The following SMCHD1 variants were observed in gnomAD, a reference collection of about 807,000 sequenced individuals.
SMCHD1 encodes the protein structural maintenance of chromosomes flexible hinge domain-containing protein 1.
A neutral mutation model predicts 254.7 loss-of-function variants in SMCHD1; 78 were observed. The ratio of observed to expected loss-of-function variants is 0.31; its 90% confidence interval spans 0.26 to 0.37. The LOEUF (loss-of-function observed/expected upper bound fraction) is 0.37. Ranked by LOEUF, SMCHD1 falls within the 10% of genes least tolerant of loss-of-function variation. The pLI is 1.00. For missense variants in SMCHD1, 1,840 were observed against 2,408.1 expected, an observed-to-expected ratio of 0.76 and a Z score of 4.94; for synonymous variants, 766 against 794.9, an observed-to-expected ratio of 0.96 and a Z score of 0.61.
chr18:2,731,564 C>T (rs1027313858), intron 24 of SMCHD1, among the ~76,000 whole-genome samples: 2 of 152,038 alleles, frequency 1.3e-5, no homozygotes, highest in African/African-American at 4.8e-5. Flanking sequence ...TAATCTGTTA[C>T]CATTAAATAA....
intron 19 of SMCHD1, among the ~76,000 whole-genome samples, chr18:2,721,137 T>C (rs946564858): frequency 9.9e-5 from 15 of 152,232 alleles, no homozygotes; most frequent in African/African-American, 2.4e-4. Context: ...CTGAGACTTA[T>C]GGGCGTCTGA....
Position 2,796,661 on chromosome 18 carries a change from A to G in SMCHD1, c.5993+140A>G, listed in dbSNP as rs1240354592. On this transcript the variant is annotated intron_variant, in intron 47 of 47. Transcript: ENST00000320876. ...AGTGGCACAATCTTGGCTCAGTGCA[A>G]CCTCTGCCTTCCAGGCCCACGGGAT... 5 of 616,448 alleles carry G rather than the reference A, an allele frequency of 8.1e-6. No individual in the cohort carries two copies. The Admixed American group carries it at 1.3e-4, about 16-fold the overall frequency. The allele number at this position is 616,448 out of a possible 1,614,324, so 38.2% of individuals were successfully genotyped here.
At chr18:2,742,438 A>C (rs910211160) in intron 28 of SMCHD1, among the ~76,000 whole-genome samples, 11 of 152,202 alleles carry the variant, frequency 7.2e-5, no homozygotes, top group African/African-American at 2.7e-4. Flanking sequence ...CTTTTGGTTC[A>C]GAAGAGCTAT....
chr18:2,698,612 C>T (rs1466997516), intron 10 of SMCHD1, among the ~76,000 whole-genome samples: 1 of 152,172 alleles, frequency 6.6e-6, no homozygotes, highest in Non-Finnish European at 1.5e-5. Flanking sequence ...AAACAATCCT[C>T]CTGCCTTGGC....
rs769920999 is a variant in SMCHD1 at position 2,729,407 on chromosome 18, C to T, written c.3046C>T (p.Pro1016Ser). ...GACGCTTAAAGCAAGAATTGAAATA[C>T]CTGTAAGTTATTATTGTTACTCATT... ...DQTLKARIEI[P>S]SCKDVAPVEK... The change falls in exon 24 of 48, where the codon CCT becomes TCT. Residue 1016 changes from proline (P) to serine (S), a missense_variant and splice_region_variant. Pro to Ser is a moderately conservative substitution (Grantham distance 74). Transcript: ENST00000320876. 3 of 1,512,582 alleles carry T rather than the reference C, an allele frequency of 2.0e-6. No homozygotes were observed. The highest frequency in any genetic ancestry group is 2.7e-6 in the Non-Finnish European group (3 of 1,131,340). 93.7% of individuals were successfully genotyped at this position (1,512,582 alleles called of 1,614,324 possible).
At chr18:2,719,271 T>TCTCTCCCCTCTCCC (rs1040681391) in intron 19 of SMCHD1, among the ~76,000 whole-genome samples, 1 of 150,304 alleles carries the variant, frequency 6.7e-6, no homozygotes, top group African/African-American at 2.5e-5. Flanking sequence ...TCCTCTCTCC[T>TCTCTCCCCTCTCCC]CTCTCCCCTC....
Position 2,785,300 on chromosome 18 carries a change from T to C in SMCHD1, c.5719+679T>C, listed in dbSNP as rs190696318. On this transcript the variant is annotated intron_variant, in intron 45 of 47. Coordinates refer to ENST00000320876, the MANE Select transcript of SMCHD1 (RefSeq NM_015295.3). ...AACACAGAGCAGTTTGTTGTTAACT[T>C]TCTTTTAATTGAAAAATACATATAA... 2.5e-3 allele frequency among the ~76,000 whole-genome samples: 388 copies of C among 152,304 alleles called. 3 individuals carry two copies. The highest frequency in any genetic ancestry group is 9.1e-3 in the African/African-American group (377 of 41,554).
Position 2,762,223 on chromosome 18 carries a change from A to G in SMCHD1, c.4553A>G (p.His1518Arg), listed in dbSNP as rs758405083. The stretch of plus-strand genomic sequence containing the variant: ...AGTAGGACCTTGGTCAGAGATCTAC[A>G]TCTTAGTATCACGGTAATGTTTATT... ...VASRTLVRDL[H>R]LSITDDYDNH... The change falls in exon 36 of 48, where the codon CAT becomes CGT. Residue 1518 changes from histidine to arginine, a missense_variant. By Grantham distance (29) the His-to-Arg change is conservative (BLOSUM62 0). Coordinates refer to ENST00000320876, the MANE Select transcript of SMCHD1 (RefSeq NM_015295.3). The G allele has an allele frequency of 1.2e-6, 2 of 1,613,588 alleles. No homozygotes were observed. The highest frequency in any genetic ancestry group is 1.1e-5 in the South Asian group (1 of 91,052).
At chr18:2,677,918 C>T (rs990145026) in intron 5 of SMCHD1, among the ~76,000 whole-genome samples, 2 of 152,104 alleles carry the variant, frequency 1.3e-5, no homozygotes, top group Non-Finnish European at 2.9e-5. Context: ...CGCATCTGGC[C>T]AATAGTTGTT....
chr18:2,700,608 T>C lies in SMCHD1; in HGVS notation c.1412T>C (p.Ile471Thr). 6.2e-7 allele frequency: 1 copy of C among 1,611,694 alleles called. No individual in the cohort carries two copies. The highest frequency in any genetic ancestry group is 1.7e-5 in the Admixed American group (1 of 59,664). ...LEKAARGKRPIFECFWNGRLI... is the reference protein window; with the variant it reads ...LEKAARGKRPTFECFWNGRLI... ...AAAGCAGCTAGAGGGAAAAGGCCTATTTTTGAATGTTTTTGGAATGGACGA... is the reference window on the plus strand; with the variant it reads ...AAAGCAGCTAGAGGGAAAAGGCCTACTTTTGAATGTTTTTGGAATGGACGA... The change falls in exon 11 of 48, where the codon ATT (isoleucine) becomes ACT (threonine). Residue 471 changes from isoleucine to threonine, a missense_variant. This residue lies in a region of SMCHD1 where 498 missense variants were observed against 743.5 expected (regional missense o/e 0.67). Transcript: ENST00000320876.
chr18:2,714,085 A>G (rs1033139394), intron 17 of SMCHD1, among the ~76,000 whole-genome samples: 5 of 152,200 alleles, frequency 3.3e-5, no homozygotes, highest in African/African-American at 7.2e-5. Context: ...ATCTAGTGCT[A>G]TCAGTAGGGT....
intron 1 of SMCHD1, among the ~76,000 whole-genome samples, chr18:2,658,660 A>G (rs2073144907): frequency 6.6e-6 from 1 of 152,164 alleles, no homozygotes; most frequent in African/African-American, 2.4e-5. Flanking sequence ...AAGCATTATT[A>G]GATTGTGCCT....
intron 25 of SMCHD1, 61 bp downstream of exon 25, chr18:2,732,553 CTG>C: frequency 9.4e-7 from 1 of 1,060,330 alleles, no homozygotes; most frequent in Non-Finnish European, 1.3e-6. Flanking sequence ...GTTTGTAAGA[CTG>C]AACAAGCCGT....
chr18:2,779,818 C>T (rs1482657322), intron 44 of SMCHD1, among the ~76,000 whole-genome samples: 14 of 151,192 alleles, frequency 9.3e-5, no homozygotes, highest in Non-Finnish European at 5.9e-5. Context: ...CAATATAATG[C>T]GATTCTGTCT....
chr18:2,681,691 C>T (rs2143901600), intron 5 of SMCHD1, among the ~76,000 whole-genome samples: 1 of 151,488 alleles, frequency 6.6e-6, no homozygotes, highest in East Asian at 1.9e-4. Flanking sequence ...AACTTGGATA[C>T]CTGGGACATA....
chr18:2,779,591 G>T, intron 44 of SMCHD1, among the ~76,000 whole-genome samples: 1 of 152,128 alleles, frequency 6.6e-6, no homozygotes, highest in Non-Finnish European at 1.5e-5. Flanking sequence ...GAATCACGGG[G>T]ACTATAGGGA....
intron 45 of SMCHD1, among the ~76,000 whole-genome samples, chr18:2,791,266 G>A (rs1212379285): frequency 6.6e-6 from 1 of 152,100 alleles, no homozygotes; most frequent in Non-Finnish European, 1.5e-5. Flanking sequence ...TCACCAAGAT[G>A]GAATAACTTA....
chr18:2,686,453 A>G (rs930802562), intron 5 of SMCHD1, among the ~76,000 whole-genome samples: 2 of 152,090 alleles, frequency 1.3e-5, no homozygotes, highest in African/African-American at 4.8e-5. Context: ...ATGTCACTCA[A>G]TTTTCTACCA....
intron 12 of SMCHD1, among the ~76,000 whole-genome samples, chr18:2,703,208 T>C (rs1598339257): frequency 6.6e-6 from 1 of 152,334 alleles, no homozygotes; most frequent in Non-Finnish European, 1.5e-5. Flanking sequence ...TTCTCAATTG[T>C]TTTCCCCAAT....
Sources: allele counts gnomAD v4.1 joint callset (sites outside exome capture counted in the v4.1 genomes callset), GRCh38; gene constraint gnomAD v4.1.1; regional missense constraint gnomAD v4.1.1; transcripts MANE v1.5; gene names NCBI Gene and HGNC (gene_info 2026-07-23, HGNC 2026-07-21).